The following NKAIN2 variants were observed in gnomAD, a reference collection of about 807,000 sequenced individuals.
NKAIN2 encodes the protein sodium/potassium transporting ATPase interacting 2.
NKAIN2 carries 14 observed loss-of-function variants against 32.6 expected under a neutral mutation model. The ratio of observed to expected loss-of-function variants is 0.43; its 90% CI spans 0.28 to 0.67. The LOEUF (loss-of-function observed/expected upper bound fraction) is 0.67, where lower values mean the gene tolerates loss of function less well. NKAIN2 is among the 30% of genes least tolerant of loss of function. The pLI, the probability that NKAIN2 is intolerant of heterozygous loss-of-function variation, is 0.17. For synonymous variants in NKAIN2, 80 were observed against 87.2 expected (o/e 0.92, Z 0.46); for missense variants, 198 against 258.3 (o/e 0.77, Z 1.60).
intron 3 of NKAIN2, among the ~76,000 whole-genome samples, chr6:124,476,274 T>A (rs1192150604): frequency 6.6e-6 from 1 of 152,056 alleles, no homozygotes; most frequent in Non-Finnish European, 1.5e-5. Flanking sequence ...GTTTTGCCTA[T>A]CATCTGCCTC....
intron 2 of NKAIN2, among the ~76,000 whole-genome samples, chr6:124,316,453 A>G (rs1305235993): frequency 6.6e-6 from 1 of 152,148 alleles, no homozygotes; most frequent in African/African-American, 2.4e-5. Context: ...AGCAAACTGT[A>G]TGATATAACC....
At chr6:124,739,189 T>C (rs376636827) in intron 4 of NKAIN2, among the ~76,000 whole-genome samples, 24 of 152,018 alleles carry the variant, frequency 1.6e-4, no homozygotes, top group African/African-American at 5.3e-4. Flanking sequence ...TGGATGGAGA[T>C]AAATATGGAA....
intron 4 of NKAIN2, among the ~76,000 whole-genome samples, chr6:124,759,027 T>C (rs1186680365): frequency 2.0e-5 from 3 of 152,204 alleles, no homozygotes; most frequent in Non-Finnish European, 4.4e-5. Context: ...ATATCCTATT[T>C]CACTTCCTTA....
chr6:124,207,689 A>T (rs1370258874), intron 1 of NKAIN2, among the ~76,000 whole-genome samples: 1 of 151,866 alleles, frequency 6.6e-6, no homozygotes, highest in Non-Finnish European at 1.5e-5. Context: ...TTCAAACTGA[A>T]TAATTTACCG....
At chr6:124,382,220 A>G (rs1772676205) in intron 3 of NKAIN2, among the ~76,000 whole-genome samples, 1 of 152,188 alleles carries the variant, frequency 6.6e-6, no homozygotes, top group Admixed American at 6.5e-5. Context: ...GAAAGAGGAA[A>G]ATGCAGTTTA....
intron 3 of NKAIN2, among the ~76,000 whole-genome samples, chr6:124,498,905 A>G (rs140171633): frequency 6.6e-6 from 1 of 152,178 alleles, no homozygotes; most frequent in East Asian, 1.9e-4. Flanking sequence ...AACAATATTT[A>G]TATCTCTTTT....
chr6:124,780,360 A>T (rs1779203402), intron 4 of NKAIN2, among the ~76,000 whole-genome samples: 1 of 152,208 alleles, frequency 6.6e-6, no homozygotes, highest in Non-Finnish European at 1.5e-5. Context: ...GAGCACAGAG[A>T]GTGAGGAATG....
intron 1 of NKAIN2, among the ~76,000 whole-genome samples, chr6:123,930,808 G>A (rs978335203): frequency 9.2e-5 from 14 of 152,278 alleles, no homozygotes; most frequent in African/African-American, 3.4e-4. Context: ...TCCTTGAGGA[G>A]TCTCTAGTCA....
At chr6:124,803,358 A>T (rs1275431103) in intron 5 of NKAIN2, among the ~76,000 whole-genome samples, 1 of 152,158 alleles carries the variant, frequency 6.6e-6, no homozygotes, top group Non-Finnish European at 1.5e-5. Context: ...TTGGCCTATC[A>T]TTCTGCCTGA....
chr6:124,255,428 A>C (rs2114822444), intron 1 of NKAIN2, among the ~76,000 whole-genome samples: 1 of 152,292 alleles, frequency 6.6e-6, no homozygotes, highest in Admixed American at 6.5e-5. Context: ...AGGGAAGCAA[A>C]GTAGTTGTCT....
chr6:124,252,839 T>C (rs1196747450), intron 1 of NKAIN2, among the ~76,000 whole-genome samples: 2 of 152,152 alleles, frequency 1.3e-5, no homozygotes, highest in Non-Finnish European at 2.9e-5. Flanking sequence ...TTAAAGATAA[T>C]GATAATGTCT....
At chr6:123,913,661 T>G (rs531456419) in intron 1 of NKAIN2, among the ~76,000 whole-genome samples, 34 of 152,302 alleles carry the variant, frequency 2.2e-4, no homozygotes, top group African/African-American at 6.3e-4. Flanking sequence ...AGAGGTAGCT[T>G]CTTCTTTCTT....
intron 3 of NKAIN2, among the ~76,000 whole-genome samples, chr6:124,416,941 A>C (rs1159216228): frequency 6.6e-6 from 1 of 152,144 alleles, no homozygotes; most frequent in East Asian, 1.9e-4. Context: ...CTTAGCAGCA[A>C]TGAAATGGTT....
intron 1 of NKAIN2, among the ~76,000 whole-genome samples, chr6:123,861,570 T>C (rs1775787137): frequency 6.6e-6 from 1 of 152,200 alleles, no homozygotes; most frequent in Admixed American, 6.5e-5. Context: ...CTAAATTTTA[T>C]TGAGAGTCCA....
chr6:123,901,156 A>C (rs1300721451), intron 1 of NKAIN2, among the ~76,000 whole-genome samples: 1 of 152,100 alleles, frequency 6.6e-6, no homozygotes, highest in Non-Finnish European at 1.5e-5. Flanking sequence ...TATAATCTCC[A>C]TAGAAGAACC....
At chr6:124,167,034 G>T (rs1240637381) in intron 1 of NKAIN2, among the ~76,000 whole-genome samples, 4 of 148,244 alleles carry the variant, frequency 2.7e-5, no homozygotes, top group African/African-American at 7.5e-5. Flanking sequence ...CTTTAAAGTA[G>T]TTTTTTCCAA....
chr6:124,412,742 CT>C (rs897970754), intron 3 of NKAIN2, among the ~76,000 whole-genome samples: 2 of 152,192 alleles, frequency 1.3e-5, no homozygotes, highest in South Asian at 2.1e-4. Context: ...TTACTGCTGT[CT>C]TTTGTTTGTC....
At chr6:124,002,076 A>G (rs899961184) in intron 1 of NKAIN2, among the ~76,000 whole-genome samples, 6 of 152,070 alleles carry the variant, frequency 3.9e-5, no homozygotes, top group African/African-American at 1.4e-4. Context: ...TAGTTGAAAA[A>G]GGAAATATCT....
At chr6:124,594,106 G>A (rs902646790) in intron 3 of NKAIN2, among the ~76,000 whole-genome samples, 10 of 152,206 alleles carry the variant, frequency 6.6e-5, no homozygotes, top group Non-Finnish European at 1.2e-4. Flanking sequence ...TTAAAGTTGA[G>A]TTAGGAGTGG....
Sources: gnomAD v4.1 joint callset for allele counts (sites outside exome capture counted in the v4.1 genomes callset) on GRCh38, gnomAD v4.1.1 for gene constraint, MANE v1.5 for transcripts, NCBI Gene and HGNC (gene_info 2026-07-23, HGNC 2026-07-21) for gene names.